Variants in WWOX observed in about 807,000 individuals in gnomAD.
WWOX encodes the protein WW domain containing oxidoreductase.
WWOX carries 69 observed loss-of-function variants against 46.2 expected under a neutral mutation model. The observed-to-expected ratio is 1.49, with a 90% CI of 1.23 to 1.82. The LOEUF is 1.82. Ranked by LOEUF, WWOX falls within the 40% of genes most tolerant of loss-of-function variation. WWOX has a pLI of 0.00. For missense variants in WWOX, 919 were observed against 542.6 expected (o/e 1.69, Z -6.89); for synonymous variants, 359 against 202.6 (o/e 1.77, Z -6.56).
At chr16:78,293,066 A>G (rs551611036) in intron 5 of WWOX, among the ~76,000 whole-genome samples, 92 of 152,256 alleles carry the variant, frequency 6.0e-4, no homozygotes, top group African/African-American at 2.1e-3. Flanking sequence ...CCTCCAAGGT[A>G]TCTGAGCCTT....
chr16:78,507,498 A>G (rs1257345825), intron 8 of WWOX, among the ~76,000 whole-genome samples: 1 of 152,192 alleles, frequency 6.6e-6, no homozygotes, highest in African/African-American at 2.4e-5. Context: ...GTCCATAAAA[A>G]GCTGCCTGTG....
At chr16:78,477,529 G>A (rs564065439) in intron 8 of WWOX, among the ~76,000 whole-genome samples, 6 of 152,126 alleles carry the variant, frequency 3.9e-5, no homozygotes, top group African/African-American at 4.8e-5. Flanking sequence ...TGTTCATGCC[G>A]CAATGCACTT....
intron 5 of WWOX, among the ~76,000 whole-genome samples, chr16:78,276,778 G>A (rs1477271929): frequency 6.6e-6 from 1 of 152,172 alleles, no homozygotes; most frequent in Non-Finnish European, 1.5e-5. Context: ...AGGGACGGGG[G>A]CTAGGATATT....
rs577055974 is a variant in WWOX at position 78,791,881 on chromosome 16, AAAC to A, written c.1056+359150_1056+359152del. On this transcript the variant is annotated intron_variant, in intron 8 of 8. Coordinates refer to ENST00000566780, the MANE Select transcript of WWOX (RefSeq NM_016373.4). ...GGCGACAGTGAAACTTTTGTCTCAA[AAAC>A]AACAACAACAACAACAACAAACAAA... Among the ~76,000 whole-genome samples, 48 of 152,172 alleles carry A rather than the reference AAAC, an allele frequency of 3.2e-4. 1 individual carries two copies. Among genetic ancestry groups the A allele is most frequent in the African/African-American group, 7.0e-4 (29 of 41,508 alleles).
rs181526180 is a variant in WWOX, at chr16:79,113,581, G to C, written c.1057-98027G>C. Among the ~76,000 whole-genome samples, 8 of 152,366 alleles carry C rather than the reference G, an allele frequency of 5.3e-5. No homozygotes were observed. In the East Asian group the frequency reaches 1.4e-3, roughly 26 times the overall value. On this transcript the variant is annotated intron_variant, in intron 8 of 8. Coordinates refer to ENST00000566780, the MANE Select transcript of WWOX (RefSeq NM_016373.4). ...ACTTAGGCTTACGCCTGGGTGGAAT[G>C]AGCAATCCCTGTCGCCAAAGAAGGT... is the stretch of plus-strand genomic sequence containing the variant.
intron 8 of WWOX, among the ~76,000 whole-genome samples, chr16:78,487,947 C>T (rs1393599518): frequency 6.6e-6 from 1 of 152,170 alleles, no homozygotes; most frequent in East Asian, 1.9e-4. Context: ...TATTTCTACC[C>T]TAGGATCATT....
At chr16:78,986,818 C>T (rs1176408891) in intron 8 of WWOX, among the ~76,000 whole-genome samples, 2 of 152,098 alleles carry the variant, frequency 1.3e-5, no homozygotes, top group Non-Finnish European at 2.9e-5. Flanking sequence ...AGATTAATTC[C>T]ACAGAGATTT....
chr16:78,602,439 G>T (rs1250000077), intron 8 of WWOX, among the ~76,000 whole-genome samples: 2 of 152,074 alleles, frequency 1.3e-5, no homozygotes, highest in Non-Finnish European at 2.9e-5. Context: ...TCACTATATT[G>T]GCCAGGCTGA....
intron 8 of WWOX, among the ~76,000 whole-genome samples, chr16:79,157,700 A>T (rs1303145207): frequency 6.6e-6 from 1 of 152,180 alleles, no homozygotes; most frequent in Non-Finnish European, 1.5e-5. Flanking sequence ...AGTTGTGATG[A>T]TTGTGATCTG....
At chr16:78,365,335 G>C (rs1345909346) in intron 5 of WWOX, among the ~76,000 whole-genome samples, 1 of 152,058 alleles carries the variant, frequency 6.6e-6, no homozygotes, top group Non-Finnish European at 1.5e-5. Flanking sequence ...TTTTTGTTTT[G>C]TTTTTCTTTT....
At chr16:78,485,377 A>G (rs556789020) in intron 8 of WWOX, among the ~76,000 whole-genome samples, 1 of 151,868 alleles carries the variant, frequency 6.6e-6, no homozygotes, top group Non-Finnish European at 1.5e-5. Flanking sequence ...TCCCTAAGGA[A>G]CCCTGTTTTG....
At chr16:78,112,134 C>T (rs1405471245) in intron 3 of WWOX, 1 of 152,240 alleles carries the variant, frequency 6.6e-6, no homozygotes, top group Non-Finnish European at 1.5e-5. Context: ...AGAACACCCG[C>T]TAAGCCCAGT....
rs114266270 is a variant in WWOX at position 78,593,005 on chromosome 16, C to T, written c.1056+160253C>T. Among the ~76,000 whole-genome samples the T allele has an allele frequency of 9.8e-3, 1,493 of 152,254 alleles. 29 individuals carry two copies. Among genetic ancestry groups the T allele is most frequent in the African/African-American group, 0.035 (1,439 of 41,548 alleles). On this transcript the variant is annotated intron_variant, in intron 8 of 8. Coordinates refer to ENST00000566780, the MANE Select transcript of WWOX (RefSeq NM_016373.4). ...TTAGTTGCTTGAGCACAGATAGCTG[C>T]CAGGGAGGCTGGAAAGTACAGCCTT...
At chr16:78,469,902 A>G (rs1192484988) in intron 8 of WWOX, among the ~76,000 whole-genome samples, 5 of 152,276 alleles carry the variant, frequency 3.3e-5, no homozygotes, top group Non-Finnish European at 7.3e-5. Context: ...AGATAGAGCC[A>G]ATAAGATGTA....
chr16:78,320,382 G>T (rs1406805425), intron 5 of WWOX, among the ~76,000 whole-genome samples: 1 of 152,168 alleles, frequency 6.6e-6, no homozygotes, highest in African/African-American at 2.4e-5. Flanking sequence ...TTAGACTTCT[G>T]TGAACTCCAA....
In WWOX at chr16:78,616,216, G is replaced by GT. The variant is rs201973897; in HGVS notation, c.1056+183465dup. ...GCCACACAAGCACACACACACTTTTGTGGTTTTTTTTTTAATTATATAAGC... is the reference window on the plus strand; with the variant it reads ...GCCACACAAGCACACACACACTTTTGTTGGTTTTTTTTTTAATTATATAAGC... On this transcript the variant is annotated intron_variant, in intron 8 of 8. Coordinates refer to ENST00000566780, the MANE Select transcript of WWOX (RefSeq NM_016373.4). Among the ~76,000 whole-genome samples the GT allele has an allele frequency of 5.5e-4, 79 of 143,866 alleles. 1 individual carries two copies. In the East Asian group the frequency reaches 0.015, roughly 27 times the overall value. The allele number at this position is 143,866 out of a possible 152,430, so 94.4% of individuals were successfully genotyped here.
intron 8 of WWOX, among the ~76,000 whole-genome samples, chr16:79,108,755 G>A (rs765649443): frequency 6.6e-6 from 1 of 151,972 alleles, no homozygotes; most frequent in African/African-American, 2.4e-5. Context: ...TAAAAAATTA[G>A]TTAGGTGTAG....
At chr16:78,707,207 C>T (rs996104445) in intron 8 of WWOX, among the ~76,000 whole-genome samples, 9 of 152,120 alleles carry the variant, frequency 5.9e-5, no homozygotes, top group Admixed American at 5.2e-4. Flanking sequence ...CCCTTACTCC[C>T]ATCAGAGCAC....
At chr16:78,615,917 A>T (rs1484512350) in intron 8 of WWOX, among the ~76,000 whole-genome samples, 3 of 151,782 alleles carry the variant, frequency 2.0e-5, no homozygotes, top group South Asian at 2.1e-4. Flanking sequence ...CACTCAGCTA[A>T]TTTTTTGTAT....
Sources: gnomAD v4.1 joint callset for allele counts (sites outside exome capture counted in the v4.1 genomes callset) on GRCh38, gnomAD v4.1.1 for gene constraint, MANE v1.5 for transcripts, NCBI Gene and HGNC (gene_info 2026-07-23, HGNC 2026-07-21) for gene names.